The following ATF3 variants were observed in gnomAD, a reference collection of about 807,000 sequenced individuals.
The protein encoded by ATF3 is activating transcription factor 3, also known as cyclic AMP-dependent transcription factor ATF-3.
In ATF3, 10 loss-of-function variants were observed where a neutral mutation model predicts 18.4. The observed-to-expected ratio is 0.54, with a 90% CI of 0.34 to 0.92. The LOEUF is 0.92. Among genes scored for constraint, ATF3 ranks in the 40% least tolerant of loss-of-function variants. The probability of loss-of-function intolerance (pLI) is 0.02; values close to 1 mark genes in which losing one functional copy is unlikely to be tolerated. For synonymous variants in ATF3, 78 were observed against 87.9 expected (o/e 0.89, Z 0.63); for missense variants, 183 against 222.3 (o/e 0.82, Z 1.12).
chr1:212,587,207 A>G (rs1664795418), intron 1 of ATF3, among the ~76,000 whole-genome samples: 1 of 152,246 alleles, frequency 6.6e-6, no homozygotes, highest in South Asian at 2.1e-4. Context: ...ATAGAATCCT[A>G]CAATAATAAT....
In ATF3 at chr1:212,619,584, G is replaced by T. The variant is rs759233397; in HGVS notation, c.*29G>T. The T allele has an allele frequency of 4.3e-6, 7 of 1,612,350 alleles. No individual in the cohort carries two copies. In the South Asian group the frequency reaches 6.6e-5, roughly 15 times the overall value. On this transcript the variant is annotated 3_prime_UTR_variant, in exon 4 of 4. Transcript: ENST00000341491. The surrounding 1 kb of genome is among the most constrained non-coding windows in gnomAD (Gnocchi z 4.4). ...GTCGTGGTATGGGGGCGACTGGGGA[G>T]TCCTCATTGAATCCTCATTTTATAC...
At chr1:212,591,033 C>G (rs1390076853) in intron 1 of ATF3, among the ~76,000 whole-genome samples, 1 of 152,350 alleles carries the variant, frequency 6.6e-6, no homozygotes, top group East Asian at 1.9e-4. Context: ...ACAAGACCGT[C>G]CACCATCTGA....
At chr1:212,595,643 C>G (rs1664978308) in intron 1 of ATF3, among the ~76,000 whole-genome samples, 2 of 152,214 alleles carry the variant, frequency 1.3e-5, no homozygotes. Flanking sequence ...CAAAAATATC[C>G]TCTAAGAACT....
intron 1 of ATF3, among the ~76,000 whole-genome samples, chr1:212,600,515 C>A (rs1654452448): frequency 6.6e-6 from 1 of 152,236 alleles, no homozygotes; most frequent in Non-Finnish European, 1.5e-5. Context: ...GTGCAAAGAG[C>A]TGGAAATAAG....
rs367663261 is a variant in ATF3 at position 212,615,564 on chromosome 1, C to T, written c.240+303C>T. ...GTGGCCCACGCTTATAATCCCAGCA[C>T]TTTGAGAGGCCAAGATGGGATTATC... On this transcript the variant is annotated intron_variant, in intron 2 of 3. Coordinates refer to ENST00000341491, the MANE Select transcript of ATF3 (RefSeq NM_001674.4). 7.9e-5 allele frequency among the ~76,000 whole-genome samples: 12 copies of T among 152,004 alleles called. No homozygotes were observed. In the South Asian group the frequency reaches 2.5e-3, roughly 32 times the overall value.
At position 212,618,535 on chromosome 1, in the gene ATF3, G is replaced by A. The variant is rs1370329459; in HGVS notation, c.348+301G>A. Reference sequence around the variant, plus strand: ...CCAGGCTGCAGGACATGCCAGCCCAGTTAAAGAGGCTTCACTTGACTGTTT... The same window carrying A: ...CCAGGCTGCAGGACATGCCAGCCCAATTAAAGAGGCTTCACTTGACTGTTT... On this transcript the variant is annotated intron_variant, in intron 3 of 3. Coordinates refer to ENST00000341491, the MANE Select transcript of ATF3 (RefSeq NM_001674.4). The surrounding 1 kb of genome is among the most constrained non-coding windows in gnomAD (Gnocchi z 4.4). 3 of 451,046 alleles carry A rather than the reference G, an allele frequency of 6.7e-6. No homozygotes were observed. The highest frequency in any genetic ancestry group is 5.9e-5 in the African/African-American group (3 of 50,772). The allele number at this position is 451,046 out of a possible 1,614,324, so 27.9% of individuals were successfully genotyped here.
chr1:212,617,375 A>ACCT (rs1655174441), intron 2 of ATF3, among the ~76,000 whole-genome samples: 1 of 152,202 alleles, frequency 6.6e-6, no homozygotes, highest in Non-Finnish European at 1.5e-5. Flanking sequence ...TGGCTTAAGG[A>ACCT]TGTCAGAGCT....
In ATF3 at chr1:212,615,197, C is replaced by T; in HGVS notation, c.176C>T (p.Ser59Phe). 1.9e-6 allele frequency: 3 copies of T among 1,614,204 alleles called. No homozygotes were observed. The highest frequency in any genetic ancestry group is 2.5e-6 in the Non-Finnish European group (3 of 1,180,040). Residue 59 changes from serine (S) to phenylalanine (F), a missense_variant, in exon 2 of 4, where the codon TCC (serine) becomes TTC (phenylalanine). Coordinates refer to ENST00000341491, the MANE Select transcript of ATF3 (RefSeq NM_001674.4). ...AACAAGCACCTCTGCCACCGGATGT[C>T]CTCTGCGCTGGAATCAGTCACTGTC... Reference protein sequence around the residue: ...IQNKHLCHRMSSALESVTVSD... With the variant: ...IQNKHLCHRMFSALESVTVSD...
intron 1 of ATF3, among the ~76,000 whole-genome samples, chr1:212,571,578 A>G (rs1039794443): frequency 1.0e-4 from 15 of 150,042 alleles, no homozygotes; most frequent in African/African-American, 3.7e-4. Context: ...TAGTTTTTGT[A>G]TTTTTTAGTA....
At chr1:212,600,386 C>G (rs1654448201) in intron 1 of ATF3, among the ~76,000 whole-genome samples, 1 of 152,262 alleles carries the variant, frequency 6.6e-6, no homozygotes. Context: ...CTCCCTTCCA[C>G]AAATACTCCT....
rs1655313648 is a variant in ATF3 at position 212,620,058 on chromosome 1, T to C, written c.*503T>C. On this transcript the variant is annotated 3_prime_UTR_variant, in exon 4 of 4. Coordinates refer to ENST00000341491, the MANE Select transcript of ATF3 (RefSeq NM_001674.4). Reference sequence around the variant, plus strand: ...TGCTGTTATGTCCAGAAATTGTGTGTGCAAGAAAACTAGGCAATGTACTCT... The same window carrying C: ...TGCTGTTATGTCCAGAAATTGTGTGCGCAAGAAAACTAGGCAATGTACTCT... 5.3e-6 allele frequency: 1 copy of C among 187,114 alleles called. No homozygotes were observed. Among genetic ancestry groups the C allele is most frequent in the Non-Finnish European group, 1.1e-5 (1 of 88,040 alleles). The allele number at this position is 187,114 out of a possible 1,614,324, so 11.6% of individuals were successfully genotyped here.
chr1:212,565,560 C>G (rs1205596952), intron 1 of ATF3: 1 of 152,118 alleles, frequency 6.6e-6, no homozygotes, highest in Non-Finnish European at 1.5e-5. Flanking sequence ...GGTCAGGAAG[C>G]CTCCAGTTGG....
At chr1:212,573,343 G>T (rs1274624889) in intron 1 of ATF3, among the ~76,000 whole-genome samples, 2 of 151,846 alleles carry the variant, frequency 1.3e-5, no homozygotes, top group African/African-American at 4.8e-5. Context: ...TGTATTTCCT[G>T]CATTAATTGA....
intron 1 of ATF3, among the ~76,000 whole-genome samples, chr1:212,612,851 C>G (rs1654951516): frequency 6.6e-6 from 1 of 152,158 alleles, no homozygotes. Context: ...TTCCTGGACT[C>G]CACAGAGCCT....
intron 1 of ATF3, among the ~76,000 whole-genome samples, chr1:212,582,387 C>G (rs1024951070): frequency 6.6e-6 from 1 of 152,188 alleles, no homozygotes; most frequent in African/African-American, 2.4e-5. Flanking sequence ...AGTCGCCAAC[C>G]AATGGCTCTC....
At chr1:212,567,133 G>A (rs1220707606) in intron 1 of ATF3, among the ~76,000 whole-genome samples, 1 of 151,704 alleles carries the variant, frequency 6.6e-6, no homozygotes, top group Non-Finnish European at 1.5e-5. Flanking sequence ...ACAGAAAGGG[G>A]TTTTCTTTTT....
At chr1:212,593,909 G>T (rs559015815) in intron 1 of ATF3, among the ~76,000 whole-genome samples, 2 of 152,124 alleles carry the variant, frequency 1.3e-5, no homozygotes, top group Non-Finnish European at 2.9e-5. Flanking sequence ...TGTTCAATCT[G>T]TGATGTTGAG....
intron 1 of ATF3, among the ~76,000 whole-genome samples, chr1:212,575,431 A>G (rs1466576541): frequency 6.6e-6 from 1 of 152,054 alleles, no homozygotes; most frequent in Non-Finnish European, 1.5e-5. Flanking sequence ...TTCTAAGAGT[A>G]TGTGAATGTT....
upstream of ATF3, among the ~76,000 whole-genome samples, chr1:212,608,341 C>G (rs1031408724): frequency 6.6e-6 from 1 of 152,028 alleles, no homozygotes; most frequent in African/African-American, 2.4e-5. Context: ...CCGCCCCCCC[C>G]GCTCTTCAAC....
Sources: allele counts gnomAD v4.1 joint callset (sites outside exome capture counted in the v4.1 genomes callset), GRCh38; gene constraint gnomAD v4.1.1; non-coding constraint Gnocchi (gnomAD v3.1); transcripts MANE v1.5; gene names NCBI Gene and HGNC (gene_info 2026-07-23, HGNC 2026-07-21).